NOL10: variants seen among roughly 807,000 people sequenced by gnomAD.
NOL10 encodes nucleolar protein 10.
NOL10 carries 58 observed loss-of-function variants against 103.5 expected under a neutral mutation model. The observed-to-expected ratio is 0.56, with a 90% CI of 0.45 to 0.70. The LOEUF (loss-of-function observed/expected upper bound fraction) is 0.70. NOL10 is among the 30% of genes least tolerant of loss of function. NOL10 has a pLI of 0.00. For synonymous variants in NOL10, 287 were observed against 282.5 expected (o/e 1.02, Z -0.16); for missense variants, 763 against 807.3 (o/e 0.95, Z 0.67).
intron 13 of NOL10, among the ~76,000 whole-genome samples, chr2:10,637,756 G>A (rs1479511477): frequency 1.3e-5 from 2 of 152,246 alleles, no homozygotes; most frequent in East Asian, 1.9e-4. Flanking sequence ...GAGTTTTGTG[G>A]GTTTATGAAC....
chr2:10,677,341 G>GT (rs1285803006), intron 3 of NOL10, among the ~76,000 whole-genome samples: 1 of 151,014 alleles, frequency 6.6e-6, no homozygotes, highest in East Asian at 1.9e-4. Flanking sequence ...TTTATGTTAT[G>GT]TATTTCCAAC....
Position 10,644,359 on chromosome 2 carries a change from C to T in NOL10, c.987G>A (p.Thr329=), listed in dbSNP as rs1350722182. ...TGCCCATCTTGGGGGTTTCATTGGC[C>T]GTCAGAAGCATGCCTAAAAATAAAT... ...CLYPNSGMLL[T]ANETPKMGIY... Residue 329 remains threonine (T), a synonymous_variant, in exon 13 of 21, where the codon ACG becomes ACA. Coordinates refer to ENST00000381685, the MANE Select transcript of NOL10 (RefSeq NM_024894.4). 10 of 1,536,944 alleles carry T rather than the reference C, an allele frequency of 6.5e-6. No individual in the cohort carries two copies. The highest frequency in any genetic ancestry group is 5.1e-5 in the East Asian group (2 of 39,598).
chr2:10,642,933 A>G (rs1417598399), intron 13 of NOL10, among the ~76,000 whole-genome samples: 1 of 152,120 alleles, frequency 6.6e-6, no homozygotes, highest in Non-Finnish European at 1.5e-5. Context: ...TCCCAACAGT[A>G]ACTCCTCAAA....
Position 10,589,914 on chromosome 2 carries a change from C to T in NOL10, c.1423-163G>A. The T allele has an allele frequency of 6.6e-6, 3 of 455,364 alleles. 1 individual carries two copies. The highest frequency in any genetic ancestry group is 1.1e-5 in the Non-Finnish European group (3 of 268,714). The allele number at this position is 455,364 out of a possible 1,614,324, so 28.2% of individuals were successfully genotyped here. ...TTCTTCCAGGACTTTCAACGTGCCC[C>T]TAGGTTTTAGCTGCCACCACCAAAA... On this transcript the variant is annotated intron_variant, in intron 17 of 20. Coordinates refer to ENST00000381685, the MANE Select transcript of NOL10 (RefSeq NM_024894.4).
At chr2:10,634,561 G>A (rs956267736) in intron 13 of NOL10, 1 of 456,570 alleles carries the variant, frequency 2.2e-6, no homozygotes, top group African/African-American at 2.0e-5. Flanking sequence ...AGGGAAGGCT[G>A]GAGAGGGAAA....
At chr2:10,611,489 T>G (rs1224724600) in intron 13 of NOL10, among the ~76,000 whole-genome samples, 1 of 152,184 alleles carries the variant, frequency 6.6e-6, no homozygotes. Context: ...GGGTGAACAC[T>G]AAAAATCTTA....
At chr2:10,648,834 T>C (rs1193988112) in intron 12 of NOL10, among the ~76,000 whole-genome samples, 1 of 151,944 alleles carries the variant, frequency 6.6e-6, no homozygotes, top group Non-Finnish European at 1.5e-5. Flanking sequence ...CTTTGAAAAG[T>C]CAACGTCATG....
At chr2:10,680,290 A>G (rs1484811640) in intron 3 of NOL10, among the ~76,000 whole-genome samples, 1 of 130,660 alleles carries the variant, frequency 7.7e-6, no homozygotes, top group Non-Finnish European at 1.6e-5. Flanking sequence ...AAGGAGAAGA[A>G]GGAGAAGAAG....
chr2:10,587,349 C>T (rs1167273279), intron 19 of NOL10, among the ~76,000 whole-genome samples: 2 of 143,808 alleles, frequency 1.4e-5, no homozygotes, highest in Admixed American at 1.4e-4. Context: ...CAGCTCACTG[C>T]AACCTCTGCC....
chr2:10,678,584 C>T (rs1162514057), intron 3 of NOL10, among the ~76,000 whole-genome samples: 1 of 152,102 alleles, frequency 6.6e-6, no homozygotes, highest in Non-Finnish European at 1.5e-5. Context: ...ACTTCCGTAA[C>T]AAATCAATAC....
intron 13 of NOL10, among the ~76,000 whole-genome samples, chr2:10,644,018 G>A (rs901465285): frequency 6.6e-6 from 1 of 152,140 alleles, no homozygotes; most frequent in East Asian, 1.9e-4. Flanking sequence ...GGGAGGCCCA[G>A]GCAGGAGGAT....
intron 14 of NOL10, among the ~76,000 whole-genome samples, chr2:10,605,443 T>C (rs984790395): frequency 6.6e-6 from 1 of 152,198 alleles, no homozygotes; most frequent in Non-Finnish European, 1.5e-5. Context: ...GGGGAAATGA[T>C]AAAAGCTCAT....
At chr2:10,680,900 A>T (rs1297962269) in intron 3 of NOL10, among the ~76,000 whole-genome samples, 1 of 152,256 alleles carries the variant, frequency 6.6e-6, no homozygotes, top group Non-Finnish European at 1.5e-5. Context: ...ATTTTTTGAT[A>T]ACGATAAATA....
intron 9 of NOL10, among the ~76,000 whole-genome samples, chr2:10,660,693 A>G (rs1680139891): frequency 6.6e-6 from 1 of 152,112 alleles, no homozygotes; most frequent in Admixed American, 6.6e-5. Context: ...TTTTAACTGG[A>G]TAGTGCTGAC....
intron 11 of NOL10, among the ~76,000 whole-genome samples, chr2:10,656,399 A>C (rs1030225670): frequency 2.0e-5 from 3 of 152,192 alleles, no homozygotes; most frequent in Non-Finnish European, 4.4e-5. Flanking sequence ...GAATTTAGAA[A>C]GACTGAAAGC....
rs34747134 is a variant in NOL10 at position 10,618,134 on chromosome 2, C to A, written c.1027-10823G>T. The stretch of plus-strand genomic sequence containing the variant: ...TCAAGCGATCCTCTCACCTCAGCCT[C>A]CCGAATAGCTGGGATTATGGGTGGG... On this transcript the variant is annotated intron_variant, in intron 13 of 20. Transcript: ENST00000381685. Among the ~76,000 whole-genome samples, 722 of 151,882 alleles carry A rather than the reference C, an allele frequency of 4.8e-3. 3 individuals are homozygous for A. Among genetic ancestry groups the A allele is most frequent in the African/African-American group, 0.016 (664 of 41,382 alleles).
chr2:10,669,565 T>C (rs983575047), intron 6 of NOL10, among the ~76,000 whole-genome samples: 1 of 148,938 alleles, frequency 6.7e-6, no homozygotes, highest in African/African-American at 2.5e-5. Flanking sequence ...ACCAGTCAAA[T>C]ACCTGGTCAA....
chr2:10,609,338 A>T (rs532015185), intron 13 of NOL10, among the ~76,000 whole-genome samples: 1 of 151,292 alleles, frequency 6.6e-6, no homozygotes, highest in Admixed American at 6.6e-5. Context: ...CTGTAATCCC[A>T]GCACTTTGGG....
At position 10,645,968 on chromosome 2, in the gene NOL10, C is replaced by CA. The variant is rs1558318166; in HGVS notation, c.974-1597_974-1596insT. Among the ~76,000 whole-genome samples the CA allele has an allele frequency of 4.8e-5, 7 of 147,150 alleles. No individual in the cohort carries two copies. In the East Asian group the frequency reaches 7.8e-4, roughly 16 times the overall value. Reference sequence around the variant, plus strand: ...ATACACACACACACACACACACACACCCCGTAAAAACATCTAAAAGCACCT... The same window carrying CA: ...ATACACACACACACACACACACACACACCCGTAAAAACATCTAAAAGCACCT... On this transcript the variant is annotated intron_variant, in intron 12 of 20. Transcript: ENST00000381685.
Sources: allele counts gnomAD v4.1 joint callset (sites outside exome capture counted in the v4.1 genomes callset), GRCh38; gene constraint gnomAD v4.1.1; transcripts MANE v1.5; gene names NCBI Gene and HGNC (gene_info 2026-07-23, HGNC 2026-07-21).